CACNB2: variants seen among roughly 807,000 people sequenced by gnomAD.
The protein encoded by CACNB2 is calcium voltage-gated channel auxiliary subunit beta 2.
In CACNB2, 42 loss-of-function variants were observed where a neutral mutation model predicts 73.3. The observed-to-expected ratio is 0.57, with a 90% CI of 0.45 to 0.74. The LOEUF is 0.74. Ranked by LOEUF, CACNB2 falls within the 30% of genes least tolerant of loss-of-function variation. The pLI is 0.00. For synonymous variants in CACNB2, 348 were observed against 310.3 expected, an observed-to-expected ratio of 1.12 and a Z score of -1.28; for missense variants, 940 against 853.0, an observed-to-expected ratio of 1.10 and a Z score of -1.27.
rs1350740662 is a variant in CACNB2 at position 18,540,809 on chromosome 10, C to CTGA, written c.*1087_*1089dup. The stretch of plus-strand genomic sequence containing the variant: ...TGAAGACTAACGAAGAAACTAGAGA[C>CTGA]TGATATCGAGCATTCTGCCCACCTC... On this transcript the variant is annotated 3_prime_UTR_variant, in exon 14 of 14. Transcript: ENST00000324631. 1 of 152,610 alleles carries CTGA rather than the reference C, an allele frequency of 6.6e-6. No homozygotes were observed. The highest frequency in any genetic ancestry group is 2.4e-5 in the African/African-American group (1 of 41,458). The allele number at this position is 152,610 out of a possible 1,614,324, so 9.5% of individuals were successfully genotyped here.
chr10:18,177,020 C>T (rs921343532), intron 2 of CACNB2, among the ~76,000 whole-genome samples: 1 of 151,974 alleles, frequency 6.6e-6, no homozygotes, highest in African/African-American at 2.4e-5. Context: ...TAGGTAGTGA[C>T]TGAGGGAAAG....
At chr10:18,442,954 ATATG>A (rs1358416936) in intron 3 of CACNB2, among the ~76,000 whole-genome samples, 5 of 17,576 alleles carry the variant, frequency 2.8e-4, no homozygotes, top group Admixed American at 9.5e-4. Context: ...GTATATATAT[ATATG>A]TATATATATA....
At chr10:18,438,192 T>TG (rs2046242694) in intron 3 of CACNB2, among the ~76,000 whole-genome samples, 1 of 145,302 alleles carries the variant, frequency 6.9e-6, no homozygotes, top group African/African-American at 2.5e-5. Flanking sequence ...GATTTTTTTT[T>TG]TTTTTTTTTT....
At chr10:18,329,400 A>G (rs2040709160) in intron 2 of CACNB2, among the ~76,000 whole-genome samples, 1 of 152,126 alleles carries the variant, frequency 6.6e-6, no homozygotes, top group Non-Finnish European at 1.5e-5. Context: ...TCTTATTCTA[A>G]AGGAGCAGGA....
At chr10:18,484,151 T>G (rs2132871727) in intron 3 of CACNB2, among the ~76,000 whole-genome samples, 1 of 152,334 alleles carries the variant, frequency 6.6e-6, no homozygotes, top group South Asian at 2.1e-4. Context: ...CCCAGCACTT[T>G]GGAAGGCCAA....
At position 18,534,190 on chromosome 10, in the gene CACNB2, C is replaced by T. The variant is rs761975063; in HGVS notation, c.1169C>T (p.Ala390Val). ...HPAQLSKTSL[A>V]PIIVYVKISS... ...GCTCAACTCAGTAAAACCTCCTTGG[C>T]CCCTATTATAGTATATGTAAAGATT... Residue 390 changes from alanine (A) to valine (V), a missense_variant, in exon 11 of 14, where the codon GCC becomes GTC. Coordinates refer to ENST00000324631, the MANE Select transcript of CACNB2 (RefSeq NM_201596.3). The T allele has an allele frequency of 4.3e-6, 7 of 1,613,258 alleles. No individual in the cohort carries two copies. The highest frequency in any genetic ancestry group is 5.9e-6 in the Non-Finnish European group (7 of 1,179,268).
intron 3 of CACNB2, among the ~76,000 whole-genome samples, chr10:18,410,070 G>T (rs1171071016): frequency 6.6e-6 from 1 of 152,118 alleles, no homozygotes; most frequent in Non-Finnish European, 1.5e-5. Context: ...TCATCCTTCA[G>T]AGGTGCCTGT....
chr10:18,373,665 G>A (rs757026088), intron 2 of CACNB2, among the ~76,000 whole-genome samples: 2 of 152,126 alleles, frequency 1.3e-5, no homozygotes, highest in Non-Finnish European at 2.9e-5. Context: ...TTTCTCATTT[G>A]TTCTCTCAAG....
At chr10:18,258,934 G>A (rs1019404277) in intron 2 of CACNB2, among the ~76,000 whole-genome samples, 9 of 151,286 alleles carry the variant, frequency 5.9e-5, no homozygotes, top group Non-Finnish European at 8.8e-5. Flanking sequence ...CCAATTTACA[G>A]TGTAATTCAG....
intron 2 of CACNB2, among the ~76,000 whole-genome samples, chr10:18,185,358 T>C (rs1387645041): frequency 1.3e-5 from 2 of 152,238 alleles, no homozygotes; most frequent in Non-Finnish European, 2.9e-5. Flanking sequence ...TTAAATTGTA[T>C]ACAGAGTATT....
chr10:18,508,892 AT>A (rs1389004399), intron 6 of CACNB2, among the ~76,000 whole-genome samples: 1 of 152,246 alleles, frequency 6.6e-6, no homozygotes, highest in Admixed American at 6.5e-5. Flanking sequence ...GAGGTGCTGC[AT>A]TTTGAAGAAC....
At chr10:18,422,567 C>T (rs2045382544) in intron 3 of CACNB2, among the ~76,000 whole-genome samples, 1 of 152,204 alleles carries the variant, frequency 6.6e-6, no homozygotes. Context: ...CGTCACCTCC[C>T]ACCCCAAATA....
At chr10:18,153,898 A>G (rs2031816669) in intron 2 of CACNB2, among the ~76,000 whole-genome samples, 1 of 148,690 alleles carries the variant, frequency 6.7e-6, no homozygotes, top group African/African-American at 2.5e-5. Flanking sequence ...TAGATTATTA[A>G]GTAATTAGAA....
intron 3 of CACNB2, among the ~76,000 whole-genome samples, chr10:18,453,623 C>T (rs994605564): frequency 6.6e-6 from 1 of 152,168 alleles, no homozygotes; most frequent in Non-Finnish European, 1.5e-5. Flanking sequence ...CACATACTTA[C>T]CAATTTCTTG....
At chr10:18,535,763 A>C (rs988445582) in intron 11 of CACNB2, among the ~76,000 whole-genome samples, 4 of 151,734 alleles carry the variant, frequency 2.6e-5, no homozygotes, top group African/African-American at 4.8e-5. Flanking sequence ...ACAGAGCGAG[A>C]CTACATCTCA....
chr10:18,534,036 A>C (rs1339347746), intron 10 of CACNB2, 40 bp from the exon 11 acceptor site: 3 of 1,610,142 alleles, frequency 1.9e-6, no homozygotes, highest in Non-Finnish European at 1.7e-6. Flanking sequence ...CTTTATCTTA[A>C]AAATACTGCA....
chr10:18,357,224 T>A (rs1392510925), intron 2 of CACNB2, among the ~76,000 whole-genome samples: 1 of 152,094 alleles, frequency 6.6e-6, no homozygotes, highest in Non-Finnish European at 1.5e-5. Flanking sequence ...ATTACAGGCG[T>A]GAGCCACCGC....
At chr10:18,148,491 G>A (rs900026216) in intron 1 of CACNB2, among the ~76,000 whole-genome samples, 4 of 152,176 alleles carry the variant, frequency 2.6e-5, no homozygotes, top group South Asian at 2.1e-4. Flanking sequence ...GTTTTTAAAT[G>A]TGTTCAACTT....
chr10:18,214,930 TAGAA>T (rs1394752309), intron 2 of CACNB2, among the ~76,000 whole-genome samples: 2 of 152,140 alleles, frequency 1.3e-5, no homozygotes, highest in African/African-American at 4.8e-5. Flanking sequence ...CAGTTTGTCA[TAGAA>T]GGAAGGTAGA....
Sources: gnomAD v4.1 joint callset for allele counts (sites outside exome capture counted in the v4.1 genomes callset) on GRCh38, gnomAD v4.1.1 for gene constraint, MANE v1.5 for transcripts, NCBI Gene and HGNC (gene_info 2026-07-23, HGNC 2026-07-21) for gene names.